PRKN: variants seen among roughly 807,000 people sequenced by gnomAD.
PRKN encodes the protein parkin RBR E3 ubiquitin protein ligase.
In PRKN, 56 loss-of-function variants were observed where a neutral mutation model predicts 59.5. The ratio of observed to expected loss-of-function variants is 0.94; its 90% CI spans 0.76 to 1.18. PRKN has a LOEUF of 1.18. PRKN is among the 50% of genes most tolerant of loss of function. PRKN has a pLI of 0.00. For missense variants in PRKN, 657 were observed against 596.4 expected, an observed-to-expected ratio of 1.10 and a Z score of -1.06; for synonymous variants, 250 against 222.1, an observed-to-expected ratio of 1.13 and a Z score of -1.12.
intron 1 of PRKN, among the ~76,000 whole-genome samples, chr6:162,638,480 A>C (rs999682137): frequency 1.3e-5 from 2 of 152,148 alleles, no homozygotes; most frequent in Non-Finnish European, 2.9e-5. Flanking sequence ...CTAATACTCT[A>C]ACATTTTATA....
chr6:162,475,724 C>G (rs1791976782), intron 1 of PRKN, among the ~76,000 whole-genome samples: 1 of 151,148 alleles, frequency 6.6e-6, no homozygotes, highest in African/African-American at 2.5e-5. Context: ...TTATTTACGC[C>G]TCTGGAAGTA....
chr6:162,579,668 TAC>T (rs201207731), intron 1 of PRKN, among the ~76,000 whole-genome samples: 3,187 of 151,328 alleles, frequency 0.021, 121 homozygotes, highest in African/African-American at 0.074. Flanking sequence ...CACACACAGA[TAC>T]ACACAGATTC....
At chr6:162,132,141 G>C (rs1562531466) in intron 4 of PRKN, among the ~76,000 whole-genome samples, 1 of 152,206 alleles carries the variant, frequency 6.6e-6, no homozygotes, top group Non-Finnish European at 1.5e-5. Context: ...ATCATATGCA[G>C]TGGGAACAAA....
intron 2 of PRKN, among the ~76,000 whole-genome samples, chr6:162,276,633 T>C (rs755881460): frequency 6.6e-6 from 1 of 152,148 alleles, no homozygotes; most frequent in Non-Finnish European, 1.5e-5. Context: ...GTCTGTTTAA[T>C]ATATTCACTA....
Position 162,556,341 on chromosome 6 carries a change from T to TGGGG in PRKN, c.8-112869_8-112868insCCCC, listed in dbSNP as rs201876234. On this transcript the variant is annotated intron_variant, in intron 1 of 11. Transcript: ENST00000366898. ...AGAAACCAAGCAGTAACTACTCAGC[T>TGGGG]GGTGTGTGTGTGTGTGTGTGTGTGT... 3.2e-3 allele frequency among the ~76,000 whole-genome samples: 294 copies of TGGGG among 93,094 alleles called. 5 individuals are homozygous for TGGGG. The highest frequency in any genetic ancestry group is 0.011 in the Middle Eastern group (2 of 188). The allele number at this position is 93,094 out of a possible 152,430, so 61.1% of individuals were successfully genotyped here. A position where few individuals can be genotyped will look rare whatever the true frequency, so the allele number is the denominator to read the frequency against.
At chr6:162,611,918 G>C (rs182684790) in intron 1 of PRKN, among the ~76,000 whole-genome samples, 1 of 152,058 alleles carries the variant, frequency 6.6e-6, no homozygotes, top group African/African-American at 2.4e-5. Flanking sequence ...GGGCGTGGTG[G>C]CTCACGCCTG....
chr6:161,388,481 T>TA lies in PRKN; in HGVS notation c.1084-1605_1084-1604insT, dbSNP rs1786363246. Among the ~76,000 whole-genome samples, 2 of 152,192 alleles carry TA rather than the reference T, an allele frequency of 1.3e-5. No individual in the cohort carries two copies. Among genetic ancestry groups the TA allele is most frequent in the African/African-American group, 4.8e-5 (2 of 41,442 alleles). On this transcript the variant is annotated intron_variant, in intron 9 of 11. Transcript: ENST00000366898. This position sits in a 1 kb window ranked among gnomAD's most constrained non-coding sequence, Gnocchi z 4.3. ...GCAGAAACTGTATTCAGAGAAGGCA[T>TA]TTCAGCAGAGGAGAGAGTGCCATCC...
Position 161,412,021 on chromosome 6 carries a change from T to C in PRKN, c.1084-25144A>G, listed in dbSNP as rs901945779. Among the ~76,000 whole-genome samples, 10 of 91,600 alleles carry C rather than the reference T, an allele frequency of 1.1e-4. No individual in the cohort carries two copies. The South Asian group carries it at 2.6e-3, about 24-fold the overall frequency. The allele number at this position is 91,600 out of a possible 152,430, so 60.1% of individuals were successfully genotyped here. ...CTCACTCATTCCTCCACTCATTCAT[T>C]CACTCATTCATTCCTCCACTCACTC... On this transcript the variant is annotated intron_variant, in intron 9 of 11. Transcript: ENST00000366898.
intron 10 of PRKN, among the ~76,000 whole-genome samples, chr6:161,364,168 C>CAA (rs71004043): frequency 5.4e-5 from 4 of 74,396 alleles, no homozygotes; most frequent in East Asian, 7.1e-4. Context: ...GACTCCGTCT[C>CAA]AAAAAAAAAA....
chr6:161,509,387 C>T lies in PRKN; in HGVS notation c.1083+39467G>A, dbSNP rs536269577. ...GAGATCAAAAAGAATGGCAAAGCCT[C>T]GAAAAAGAGAGGTAAGAAACTCAAG... On this transcript the variant is annotated intron_variant, in intron 9 of 11. Coordinates refer to ENST00000366898, the MANE Select transcript of PRKN (RefSeq NM_004562.3). Among the ~76,000 whole-genome samples the T allele has an allele frequency of 1.7e-4, 26 of 151,830 alleles. No homozygotes were observed. In the East Asian group the frequency reaches 4.7e-3, roughly 27 times the overall value.
intron 4 of PRKN, among the ~76,000 whole-genome samples, chr6:162,157,575 C>A (rs2849584): frequency 0.94 from 142,062 of 151,866 alleles, 67,021 homozygotes; most frequent in Non-Finnish European, 1. Context: ...ATAAAAGGCA[C>A]TCTAAAGGAA....
intron 1 of PRKN, among the ~76,000 whole-genome samples, chr6:162,506,445 GC>G (rs1468211720): frequency 2.0e-5 from 3 of 152,080 alleles, no homozygotes; most frequent in African/African-American, 7.2e-5. Context: ...CCTCCCTCCA[GC>G]CCCCTGAAAT....
At chr6:162,262,929 C>T (rs1214182522) in intron 2 of PRKN, among the ~76,000 whole-genome samples, 164 bp from the exon 3 acceptor site, 6 of 152,044 alleles carry the variant, frequency 3.9e-5, no homozygotes, top group Admixed American at 6.5e-5. Flanking sequence ...ACACTACACA[C>T]GGTAGACAAA....
intron 9 of PRKN, among the ~76,000 whole-genome samples, chr6:161,543,157 T>C (rs1307330349): frequency 1.3e-5 from 2 of 152,180 alleles, no homozygotes; most frequent in Admixed American, 6.5e-5. Flanking sequence ...GGTATCATCA[T>C]AATTTATCTT....
intron 3 of PRKN, among the ~76,000 whole-genome samples, chr6:162,210,574 C>A (rs1478018965): frequency 6.6e-6 from 1 of 152,038 alleles, no homozygotes; most frequent in Non-Finnish European, 1.5e-5. Flanking sequence ...TTAAATAATT[C>A]TTTTTAAAAT....
At chr6:161,872,344 T>TTA (rs2128226865) in intron 6 of PRKN, among the ~76,000 whole-genome samples, 1 of 152,218 alleles carries the variant, frequency 6.6e-6, no homozygotes, top group East Asian at 1.9e-4. Flanking sequence ...GAGAATGCAT[T>TTA]TATATATTTA....
At chr6:161,586,600 A>G (rs1001383715) in intron 7 of PRKN, among the ~76,000 whole-genome samples, 1 of 152,098 alleles carries the variant, frequency 6.6e-6, no homozygotes, top group Non-Finnish European at 1.5e-5. Context: ...TGCTATTTCC[A>G]CTGAAAAAAA....
intron 3 of PRKN, among the ~76,000 whole-genome samples, chr6:162,235,981 G>GAAAGA (rs1562602517): frequency 1.3e-3 from 138 of 105,400 alleles, no homozygotes; most frequent in Middle Eastern, 5.7e-3. Context: ...AAGAAAGAAA[G>GAAAGA]AAAGAAAGAA....
chr6:162,193,879 T>C (rs2128327674), intron 4 of PRKN, among the ~76,000 whole-genome samples: 1 of 152,236 alleles, frequency 6.6e-6, no homozygotes, highest in African/African-American at 2.4e-5. Context: ...GCATAAACAA[T>C]GAACATCCCT....
Sources: gnomAD v4.1 joint callset for allele counts (sites outside exome capture counted in the v4.1 genomes callset) on GRCh38, gnomAD v4.1.1 for gene constraint, Gnocchi (gnomAD v3.1) non-coding constraint, MANE v1.5 for transcripts, NCBI Gene and HGNC (gene_info 2026-07-23, HGNC 2026-07-21) for gene names.